Variants in KCNMA1 observed in about 807,000 individuals in gnomAD.
The protein encoded by KCNMA1 is Calcium-activated potassium channel subunit alpha-1.
Under a neutral mutation model 140.0 loss-of-function variants are expected in KCNMA1, and 29 were observed. The ratio of observed to expected loss-of-function variants is 0.21; its 90% CI spans 0.15 to 0.28. The LOEUF (loss-of-function observed/expected upper bound fraction) is 0.28. Ranked by LOEUF, KCNMA1 falls within the 10% of genes least tolerant of loss-of-function variation. The pLI is 1.00. For missense variants in KCNMA1, 880 were observed against 1,602.2 expected (o/e 0.55, Z 7.70); for synonymous variants, 612 against 611.9 (o/e 1.00, Z 0.00).
chr10:77,232,370 C>T (rs1176014896), intron 3 of KCNMA1, among the ~76,000 whole-genome samples: 3 of 152,210 alleles, frequency 2.0e-5, no homozygotes. Context: ...TCTACATCAT[C>T]CCCACGAGCA....
rs560903090 is a variant in KCNMA1, at chr10:77,470,283, A to C, written c.379-66260T>G. Among the ~76,000 whole-genome samples the C allele has an allele frequency of 1.6e-4, 25 of 152,312 alleles. 2 individuals are homozygous for C. The East Asian group carries it at 4.6e-3, about 28-fold the overall frequency. ...CCCCACAAATGATTATGGGCTGCTT[A>C]AACGGTGCCACAGATGTAATGGAGA... On this transcript the variant is annotated intron_variant, in intron 1 of 27. Transcript: ENST00000286628.
At chr10:77,351,123 C>T (rs1023879661) in intron 2 of KCNMA1, among the ~76,000 whole-genome samples, 5 of 152,294 alleles carry the variant, frequency 3.3e-5, no homozygotes, top group Admixed American at 1.3e-4. Flanking sequence ...TAAAGAGATA[C>T]GATTGCTTTT....
At chr10:77,304,441 T>C (rs992797015) in intron 2 of KCNMA1, 1 of 152,078 alleles carries the variant, frequency 6.6e-6, no homozygotes, top group Non-Finnish European at 1.5e-5. Flanking sequence ...TGCAAGCTGG[T>C]CTTTTAGATT....
intron 1 of KCNMA1, among the ~76,000 whole-genome samples, chr10:77,597,636 T>G (rs1354195013): frequency 6.6e-6 from 1 of 152,198 alleles, no homozygotes; most frequent in Non-Finnish European, 1.5e-5. Context: ...CAATCTGCCC[T>G]CCTCCAATTC....
intron 22 of KCNMA1, among the ~76,000 whole-genome samples, chr10:76,945,697 G>C (rs1299312817): frequency 2.0e-5 from 3 of 152,194 alleles, no homozygotes; most frequent in African/African-American, 7.2e-5. Context: ...AGGAGGTAAA[G>C]AGGCAGAGCT....
At chr10:76,984,736 T>TA (rs1327934781) in intron 19 of KCNMA1, among the ~76,000 whole-genome samples, 3 of 152,212 alleles carry the variant, frequency 2.0e-5, no homozygotes, top group Non-Finnish European at 4.4e-5. Context: ...TGTGTGTAGT[T>TA]ACCTTTTAAA....
At chr10:77,535,507 T>C (rs559106454) in intron 1 of KCNMA1, among the ~76,000 whole-genome samples, 2 of 152,208 alleles carry the variant, frequency 1.3e-5, no homozygotes, top group East Asian at 1.9e-4. Flanking sequence ...AAACTAAAAA[T>C]AGAATTACCA....
At chr10:77,102,825 T>G (rs1728655229) in intron 9 of KCNMA1, among the ~76,000 whole-genome samples, 1 of 152,180 alleles carries the variant, frequency 6.6e-6, no homozygotes, top group African/African-American at 2.4e-5. Flanking sequence ...CAGCACACAT[T>G]AAAAATGTGT....
intron 3 of KCNMA1, among the ~76,000 whole-genome samples, chr10:77,242,899 T>TACACACAC (rs199668848): frequency 0.021 from 2,351 of 111,548 alleles, 31 homozygotes; most frequent in South Asian, 0.079. Flanking sequence ...AATTGTTTCC[T>TACACACAC]ACACACACAC....
intron 3 of KCNMA1, among the ~76,000 whole-genome samples, chr10:77,225,968 G>A (rs1410430702): frequency 1.3e-5 from 2 of 152,190 alleles, no homozygotes; most frequent in African/African-American, 2.4e-5. Context: ...CAATGCCCTG[G>A]GGGCCCCTGT....
At chr10:77,476,473 C>G (rs2037193) in intron 1 of KCNMA1, among the ~76,000 whole-genome samples, 25,249 of 152,164 alleles carry the variant, frequency 0.17, 2,276 homozygotes, top group Middle Eastern at 0.24. Flanking sequence ...CCTCTTCCCT[C>G]TGCTGCTCGG....
intron 18 of KCNMA1, chr10:77,008,132 G>C: frequency 6.7e-7 from 1 of 1,503,082 alleles, no homozygotes; most frequent in South Asian, 1.2e-5. Flanking sequence ...ATCTCTTCTA[G>C]AGAAAGACAG....
At chr10:77,074,383 A>T (rs1399265235) in intron 13 of KCNMA1, among the ~76,000 whole-genome samples, 1 of 152,234 alleles carries the variant, frequency 6.6e-6, no homozygotes, top group Non-Finnish European at 1.5e-5. Flanking sequence ...TTTCAGTCAG[A>T]TTTAAAGAGG....
rs185148747 is a variant in KCNMA1, at chr10:77,367,818, C to T, written c.540+36044G>A. On this transcript the variant is annotated intron_variant, in intron 2 of 27. Coordinates refer to ENST00000286628, the MANE Select transcript of KCNMA1 (RefSeq NM_001161352.2). ...ATTGATATAATATGTAACCTATTAACGCTGGCTTTTTTAATTGAGCAAAAT... is the reference window on the plus strand; with the variant it reads ...ATTGATATAATATGTAACCTATTAATGCTGGCTTTTTTAATTGAGCAAAAT... Among the ~76,000 whole-genome samples the T allele has an allele frequency of 3.2e-3, 481 of 152,238 alleles. 1 individual carries two copies. The highest frequency in any genetic ancestry group is 0.011 in the Admixed American group (162 of 15,280).
chr10:77,458,171 C>T lies in KCNMA1; in HGVS notation c.379-54148G>A, dbSNP rs1027328043. 8.5e-5 allele frequency among the ~76,000 whole-genome samples: 13 copies of T among 152,234 alleles called. No homozygotes were observed. The East Asian group carries it at 2.5e-3, about 29-fold the overall frequency. On this transcript the variant is annotated intron_variant, in intron 1 of 27. Transcript: ENST00000286628. The stretch of plus-strand genomic sequence containing the variant: ...CTGAATTCCATCAGCCACAAGCAGG[C>T]ATCCTCCACCCAGGGATAATGCAGC...
chr10:76,920,018 GTGTATATATA>G (rs1215450230), intron 23 of KCNMA1, among the ~76,000 whole-genome samples: 34 of 43,578 alleles, frequency 7.8e-4, no homozygotes, highest in African/African-American at 3.5e-3. Flanking sequence ...GTGTGTGTGT[GTGTATATATA>G]TATATATATA....
chr10:77,624,541 T>C (rs772555725), intron 1 of KCNMA1, among the ~76,000 whole-genome samples: 5 of 152,226 alleles, frequency 3.3e-5, no homozygotes, highest in African/African-American at 4.8e-5. Context: ...TTGTGTTTTA[T>C]AGTAGAACAA....
At chr10:77,241,011 A>G (rs1323770869) in intron 3 of KCNMA1, among the ~76,000 whole-genome samples, 2 of 152,240 alleles carry the variant, frequency 1.3e-5, no homozygotes, top group East Asian at 3.8e-4. Flanking sequence ...TGTTGTATCC[A>G]TTGTTTTGAA....
intron 1 of KCNMA1, among the ~76,000 whole-genome samples, chr10:77,468,904 C>T (rs1021886634): frequency 2.0e-5 from 3 of 152,086 alleles, no homozygotes; most frequent in Non-Finnish European, 2.9e-5. Context: ...GAGTCTTAAC[C>T]CAACCTGGTC....
Sources: gnomAD v4.1 joint callset for allele counts (sites outside exome capture counted in the v4.1 genomes callset) on GRCh38, gnomAD v4.1.1 for gene constraint, MANE v1.5 for transcripts, NCBI Gene and HGNC (gene_info 2026-07-23, HGNC 2026-07-21) for gene names.